ZSWIM5: variants seen among roughly 807,000 people sequenced by gnomAD.
ZSWIM5 encodes the protein zinc finger SWIM-type containing 5, also known as zinc finger SWIM domain-containing protein 5.
In ZSWIM5, 55 loss-of-function variants were observed where a neutral mutation model predicts 119.6. The observed-to-expected ratio is 0.46, with a 90% CI of 0.37 to 0.58. ZSWIM5 has a LOEUF of 0.58. ZSWIM5 is among the 20% of genes least tolerant of loss of function. ZSWIM5 has a pLI of 0.00. For synonymous variants in ZSWIM5, 537 were observed against 606.9 expected (o/e 0.88, Z 1.69); for missense variants, 1,193 against 1,512.8 (o/e 0.79, Z 3.51).
At chr1:45,100,593 A>T (rs1008236154) in intron 1 of ZSWIM5, among the ~76,000 whole-genome samples, 76 of 152,338 alleles carry the variant, frequency 5.0e-4, no homozygotes, top group African/African-American at 1.6e-3. Context: ...CATTGCCAAG[A>T]CAATCCTAAG....
chr1:45,164,870 G>A (rs888151131), intron 1 of ZSWIM5, among the ~76,000 whole-genome samples: 3 of 152,072 alleles, frequency 2.0e-5, no homozygotes, highest in Non-Finnish European at 4.4e-5. Flanking sequence ...TAATAAGGGA[G>A]ACTTTAACAC....
chr1:45,112,373 C>T (rs894169668), intron 1 of ZSWIM5, among the ~76,000 whole-genome samples: 1 of 152,064 alleles, frequency 6.6e-6, no homozygotes, highest in African/African-American at 2.4e-5. Flanking sequence ...ACCTGAAGTA[C>T]AAATAAGTAT....
intron 2 of ZSWIM5, among the ~76,000 whole-genome samples, chr1:45,086,188 T>G (rs1350178264): frequency 6.6e-6 from 1 of 152,144 alleles, no homozygotes; most frequent in Non-Finnish European, 1.5e-5. Flanking sequence ...TACACACTTT[T>G]CAGTAACTGG....
chr1:45,040,184 A>G (rs894984574), intron 7 of ZSWIM5, among the ~76,000 whole-genome samples: 5 of 152,154 alleles, frequency 3.3e-5, no homozygotes, highest in Admixed American at 3.3e-4. Context: ...GATCTTAATG[A>G]GCCTTCTAAC....
At chr1:45,038,750 C>T (rs1397078361) in intron 8 of ZSWIM5, among the ~76,000 whole-genome samples, 186 bp downstream of exon 8, 2 of 151,366 alleles carry the variant, frequency 1.3e-5, no homozygotes, top group Non-Finnish European at 2.9e-5. Context: ...GGATTACAGG[C>T]GACTGACCAC....
intron 1 of ZSWIM5, among the ~76,000 whole-genome samples, chr1:45,194,794 G>A (rs1391519919): frequency 6.6e-6 from 1 of 151,652 alleles, no homozygotes; most frequent in Non-Finnish European, 1.5e-5. Context: ...GGAGAATGGT[G>A]TGAACCCAGG....
chr1:45,100,817 T>C (rs1403965556), intron 1 of ZSWIM5, among the ~76,000 whole-genome samples: 6 of 152,196 alleles, frequency 3.9e-5, no homozygotes. Context: ...CCCTATTTAA[T>C]AAATGGTGCT....
intron 1 of ZSWIM5, among the ~76,000 whole-genome samples, chr1:45,188,142 T>C (rs979427051): frequency 2.6e-5 from 4 of 152,198 alleles, no homozygotes; most frequent in African/African-American, 7.2e-5. Flanking sequence ...AAAGCTTGTA[T>C]GCAAATATTC....
chr1:45,030,284 G>T (rs911914727), intron 11 of ZSWIM5, among the ~76,000 whole-genome samples: 2 of 152,018 alleles, frequency 1.3e-5, no homozygotes, highest in Non-Finnish European at 1.5e-5. Flanking sequence ...ATCTTGCTCT[G>T]TCGCCCAGGC....
intron 9 of ZSWIM5, 64 bp from the exon 10 acceptor site, chr1:45,035,887 G>T: frequency 6.3e-7 from 1 of 1,596,420 alleles, no homozygotes; most frequent in Non-Finnish European, 8.5e-7. Flanking sequence ...CTGGACTTGA[G>T]CCCCAGTATC....
intron 1 of ZSWIM5, among the ~76,000 whole-genome samples, chr1:45,158,325 T>C (rs1348185025): frequency 1.3e-5 from 2 of 152,082 alleles, no homozygotes; most frequent in Admixed American, 6.5e-5. Context: ...TGTGCCACCA[T>C]GCCTGGCTAA....
intron 1 of ZSWIM5, 98 bp downstream of exon 1, chr1:45,205,658 G>A: frequency 1.6e-6 from 2 of 1,288,226 alleles, no homozygotes; most frequent in South Asian, 1.4e-5. Flanking sequence ...ACAGGAGTTG[G>A]GCAGAAGGCC....
chr1:45,060,187 T>C lies in ZSWIM5; in HGVS notation c.1013A>G (p.Glu338Gly), dbSNP rs753810689. Residue 338 changes from glutamate (E) to glycine (G), a missense_variant, in exon 3 of 14, where the codon GAA becomes GGA. Coordinates refer to ENST00000359600, the MANE Select transcript of ZSWIM5 (RefSeq NM_020883.2). The stretch of plus-strand genomic sequence containing the variant: ...CTTCACTTGTTCTTTCACCTGTTCT[T>C]CATCCAAATGCCAACAGTTCTCATC... Reference protein sequence around the residue: ...IDDENCWHLDEEQVKEQVKLF... With the variant: ...IDDENCWHLDGEQVKEQVKLF... The C allele has an allele frequency of 4.3e-6, 7 of 1,614,084 alleles. No homozygotes were observed. The Admixed American group carries it at 1.2e-4, about 27-fold the overall frequency.
rs752365996 is a variant in ZSWIM5 at position 45,206,186 on chromosome 1, C to CCCGAGGACCAGGCAGCTGCTG, written c.144_164dup (p.Ser49_Gly55dup). On this transcript the variant is annotated inframe_insertion, in exon 1 of 14. Transcript: ENST00000359600. ...AATCCGGCTGCAGGTGGGGGCGGGC[C>CCCGAGGACCAGGCAGCTGCTG]CCGAGGACCAGGCAGCTGCTGCCGA... The CCCGAGGACCAGGCAGCTGCTG allele has an allele frequency of 4.4e-6, 7 of 1,604,962 alleles. No homozygotes were observed. Among genetic ancestry groups the CCCGAGGACCAGGCAGCTGCTG allele is most frequent in the Non-Finnish European group, 5.9e-6 (7 of 1,176,858 alleles).
At chr1:45,061,567 C>T (rs772084497) in intron 2 of ZSWIM5, among the ~76,000 whole-genome samples, 20 of 151,168 alleles carry the variant, frequency 1.3e-4, no homozygotes, top group Non-Finnish European at 2.1e-4. Flanking sequence ...GATGGGGCAT[C>T]GCCATGTTGG....
chr1:45,034,428 G>C lies in ZSWIM5; in HGVS notation c.2333C>G (p.Ser778Cys), dbSNP rs1298428248. Residue 778 changes from serine to cysteine, a missense_variant, in exon 11 of 14, where the codon TCC becomes TGC. Around this residue, in one of 2 missense-constraint regions of ZSWIM5, gnomAD observed 961 missense variants for 1,290.0 expected, o/e 0.74. Coordinates refer to ENST00000359600, the MANE Select transcript of ZSWIM5 (RefSeq NM_020883.2). Reference protein sequence around the residue: ...LENSASAGDTSHPHHMVSVVP... With the variant: ...LENSASAGDTCHPHHMVSVVP... ...CACAGACACCATATGGTGAGGGTGG[G>C]ATGTGTCGCCTGCAGAAGCTGAGTT... 11 of 1,612,680 alleles carry C rather than the reference G, an allele frequency of 6.8e-6. No homozygotes were observed. The Middle Eastern group carries it at 4.9e-4, about 72-fold the overall frequency.
Position 45,077,750 on chromosome 1 carries a change from C to CG in ZSWIM5, c.952+10130dup, listed in dbSNP as rs577959505. Among the ~76,000 whole-genome samples, 143 of 152,166 alleles carry CG rather than the reference C, an allele frequency of 9.4e-4. 1 individual carries two copies. The South Asian group carries it at 0.025, about 26-fold the overall frequency. ...TCAACCATAAGAGACAGGTACGCCC[C>CG]GGGGGGGCCAGTTCAGAGACCTACC... On this transcript the variant is annotated intron_variant, in intron 2 of 13. Coordinates refer to ENST00000359600, the MANE Select transcript of ZSWIM5 (RefSeq NM_020883.2).
intron 1 of ZSWIM5, among the ~76,000 whole-genome samples, chr1:45,100,879 T>C (rs1387586496): frequency 1.3e-5 from 2 of 151,898 alleles, no homozygotes; most frequent in African/African-American, 2.4e-5. Context: ...CCTTTCCTTA[T>C]ACCTTATACA....
chr1:45,189,297 A>G (rs1646077311), intron 1 of ZSWIM5, among the ~76,000 whole-genome samples: 1 of 152,076 alleles, frequency 6.6e-6, no homozygotes. Flanking sequence ...CCTGGTCAAC[A>G]GACAGAGACT....
Sources: gnomAD v4.1 joint callset for allele counts (sites outside exome capture counted in the v4.1 genomes callset) on GRCh38, gnomAD v4.1.1 for gene constraint, gnomAD v4.1.1 regional missense constraint, MANE v1.5 for transcripts, NCBI Gene and HGNC (gene_info 2026-07-23, HGNC 2026-07-21) for gene names.